The following CSTF3 variants were observed in gnomAD, a reference collection of about 807,000 sequenced individuals.
CSTF3 encodes the protein cleavage stimulation factor subunit 3.
A neutral mutation model predicts 105.8 loss-of-function variants in CSTF3; 29 were observed. That is an observed-to-expected ratio of 0.27 (90% CI 0.20 to 0.37). The LOEUF (loss-of-function observed/expected upper bound fraction) is 0.37. Among genes scored for constraint, CSTF3 ranks in the 10% least tolerant of loss-of-function variants. CSTF3 has a pLI of 1.00. For synonymous variants in CSTF3, 252 were observed against 281.9 expected, an observed-to-expected ratio of 0.89 and a Z score of 1.06; for missense variants, 357 against 879.3, an observed-to-expected ratio of 0.41 and a Z score of 7.51.
intron 1 of CSTF3, among the ~76,000 whole-genome samples, chr11:33,145,680 G>C (rs1855773228): frequency 6.6e-6 from 1 of 152,066 alleles, no homozygotes; most frequent in Non-Finnish European, 1.5e-5. Context: ...TGGGCGTGGT[G>C]GTGGGCACCT....
rs558687897 is a variant in CSTF3, at chr11:33,088,791, C to CT, written c.1642-1651dup. Among the ~76,000 whole-genome samples, 548 of 151,542 alleles carry CT rather than the reference C, an allele frequency of 3.6e-3. 4 individuals carry two copies. The highest frequency in any genetic ancestry group is 0.012 in the African/African-American group (515 of 41,342). ...CTGGCTAATTTTTGTATTTTTCTCT[C>CT]TTTTTTTGGTAGAGATGGGATTTCA... On this transcript the variant is annotated intron_variant, in intron 17 of 20. Coordinates refer to ENST00000323959, the MANE Select transcript of CSTF3 (RefSeq NM_001326.3).
chr11:33,092,204 A>G (rs1342900566), intron 16 of CSTF3, 67 bp downstream of exon 16: 2 of 1,129,284 alleles, frequency 1.8e-6, no homozygotes, highest in African/African-American at 3.2e-5. Flanking sequence ...CATTCACCCC[A>G]TAGACCACAA....
In CSTF3 at chr11:33,092,262, A is replaced by G. The variant is rs747063822; in HGVS notation, c.1445+9T>C. ...AGAACCTGATCAACAACTTTTCACA[A>G]TGGCTTACCCAGACTTCTCAGGAGG... On this transcript the variant is annotated intron_variant, in intron 16 of 20. Coordinates refer to ENST00000323959, the MANE Select transcript of CSTF3 (RefSeq NM_001326.3). 9 of 1,576,430 alleles carry G rather than the reference A, an allele frequency of 5.7e-6. No homozygotes were observed. The South Asian group carries it at 8.4e-5, about 15-fold the overall frequency.
chr11:33,096,734 G>C, intron 14 of CSTF3, 101 bp downstream of exon 14: 1 of 1,153,304 alleles, frequency 8.7e-7, no homozygotes, highest in Non-Finnish European at 1.2e-6. Flanking sequence ...TTACAAAATG[G>C]AGCAATAAAA....
rs1395490636 is a variant in CSTF3, at chr11:33,141,709, G to C, written c.183C>G (p.Phe61Leu). 1 of 1,611,940 alleles carries C rather than the reference G, an allele frequency of 6.2e-7. No homozygotes were observed. The highest frequency in any genetic ancestry group is 8.5e-7 in the Non-Finnish European group (1 of 1,179,460). Residue 61 changes from phenylalanine (F) to leucine (L), a missense_variant, in exon 3 of 21, where the codon TTC becomes TTG. Transcript: ENST00000323959. The part of the protein sequence containing the change: ...RKTYERLVAQ[F>L]PSSGRFWKLY... ...GTTTCCAGAATCTGCCAGAACTGGG[G>C]AACTGGGCAACAAGGCGTTCATAAG...
In CSTF3 at chr11:33,134,051, A is replaced by G. The variant is rs537471161; in HGVS notation, c.225+7616T>C. On this transcript the variant is annotated intron_variant, in intron 3 of 20. Transcript: ENST00000323959. ...AACACATCAAAGCATTAAAGTTCAT[A>G]ATATATTCAATGCAATCTCCTATAG... Among the ~76,000 whole-genome samples, 404 of 152,322 alleles carry G rather than the reference A, an allele frequency of 2.7e-3. 2 individuals carry two copies. Among genetic ancestry groups the G allele is most frequent in the African/African-American group, 9.0e-3 (375 of 41,570 alleles).
At chr11:33,149,824 G>T (rs999344681) in intron 1 of CSTF3, among the ~76,000 whole-genome samples, 5 of 152,170 alleles carry the variant, frequency 3.3e-5, no homozygotes, top group African/African-American at 1.2e-4. Flanking sequence ...TTCAAGACCA[G>T]CCTGGCCAAC....
chr11:33,140,258 T>C (rs1297583439), intron 3 of CSTF3, among the ~76,000 whole-genome samples: 1 of 152,080 alleles, frequency 6.6e-6, no homozygotes, highest in Non-Finnish European at 1.5e-5. Context: ...CAGACAGGCC[T>C]CACCTGTTTT....
intron 1 of CSTF3, among the ~76,000 whole-genome samples, chr11:33,160,762 G>A (rs1386183): frequency 0.56 from 84,608 of 152,092 alleles, 26,139 homozygotes; most frequent in Non-Finnish European, 0.69. Context: ...ACGAAATGTG[G>A]CTAAAAGAAA....
In CSTF3 at chr11:33,139,776, C is replaced by T. The variant is rs919592131; in HGVS notation, c.225+1891G>A. On this transcript the variant is annotated intron_variant, in intron 3 of 20. Coordinates refer to ENST00000323959, the MANE Select transcript of CSTF3 (RefSeq NM_001326.3). ...TATGTTTGTGTGTGTGAAGTAACTG[C>T]AAATATTACCAACTAAATAAATCAG... is the stretch of plus-strand genomic sequence containing the variant. 1.5e-4 allele frequency among the ~76,000 whole-genome samples: 23 copies of T among 151,848 alleles called. 1 individual carries two copies. Among genetic ancestry groups the T allele is most frequent in the African/African-American group, 5.3e-4 (22 of 41,392 alleles).
At chr11:33,128,762 C>G (rs887724271) in intron 3 of CSTF3, among the ~76,000 whole-genome samples, 1 of 152,110 alleles carries the variant, frequency 6.6e-6, no homozygotes, top group Non-Finnish European at 1.5e-5. Context: ...TAAAAAAACA[C>G]GCCATTCATC....
chr11:33,140,844 C>A (rs948956040), intron 3 of CSTF3: 1 of 151,718 alleles, frequency 6.6e-6, no homozygotes, highest in African/African-American at 2.4e-5. Flanking sequence ...CAGTTATTTA[C>A]ATCTTACCCC....
chr11:33,108,753 A>T (rs760051885), intron 3 of CSTF3, among the ~76,000 whole-genome samples: 17 of 152,212 alleles, frequency 1.1e-4, no homozygotes, highest in Non-Finnish European at 1.9e-4. Flanking sequence ...GAAAAACTTA[A>T]GGCTTTCCTT....
At chr11:33,090,234 G>A (rs1313782420) in intron 17 of CSTF3, among the ~76,000 whole-genome samples, 4 of 152,052 alleles carry the variant, frequency 2.6e-5, no homozygotes, top group African/African-American at 9.7e-5. Context: ...ATTTTCTTTT[G>A]TTTTTCTTCC....
intron 1 of CSTF3, among the ~76,000 whole-genome samples, chr11:33,155,865 A>T (rs946235318): frequency 2.6e-5 from 3 of 116,292 alleles, no homozygotes; most frequent in African/African-American, 1.3e-4. Flanking sequence ...TCGAAGATTT[A>T]AAAAAAAAAG....
chr11:33,102,424 G>A (rs967428649), intron 9 of CSTF3, 85 bp from the exon 10 acceptor site: 6 of 1,214,558 alleles, frequency 4.9e-6, no homozygotes, highest in Middle Eastern at 2.0e-4. Flanking sequence ...TTGGAAGACT[G>A]TTCAAGATGC....
chr11:33,090,910 T>C (rs920200877), intron 16 of CSTF3, among the ~76,000 whole-genome samples, 183 bp from the exon 17 acceptor site: 3 of 152,220 alleles, frequency 2.0e-5, no homozygotes, highest in African/African-American at 7.2e-5. Context: ...TACCACTACC[T>C]ATATTGCTAA....
In CSTF3 at chr11:33,085,953, G is replaced by T; in HGVS notation, c.1832C>A (p.Pro611Gln). Residue 611 changes from proline to glutamine, a missense_variant, in exon 19 of 21, where the codon CCA (proline) becomes CAA (glutamine). Pro to Gln is a moderately conservative substitution (Grantham distance 76). This residue lies in a region of CSTF3 where 206 missense variants were observed against 576.5 expected (regional missense o/e 0.36). Coordinates refer to ENST00000323959, the MANE Select transcript of CSTF3 (RefSeq NM_001326.3). ...GLHPVPGGVF[P>Q]VPPAAVVLMK... ...TAAAACAACAGCTGCAGGAGGGACTGGGAACACTCCACCAGGTACAGGGTG... is the reference window on the plus strand; with the variant it reads ...TAAAACAACAGCTGCAGGAGGGACTTGGAACACTCCACCAGGTACAGGGTG... 3.3e-6 allele frequency: 5 copies of T among 1,508,318 alleles called. No homozygotes were observed. Among genetic ancestry groups the T allele is most frequent in the Admixed American group, 2.3e-5 (1 of 44,162 alleles). 93.4% of individuals were successfully genotyped at this position (1,508,318 alleles called of 1,614,324 possible). A position where few individuals can be genotyped will look rare whatever the true frequency, so the allele number is the denominator to read the frequency against.
At chr11:33,138,838 A>C (rs999516660) in intron 3 of CSTF3, among the ~76,000 whole-genome samples, 1 of 151,838 alleles carries the variant, frequency 6.6e-6, no homozygotes, top group African/African-American at 2.4e-5. Flanking sequence ...TATAACACCA[A>C]AGTAATTTGG....
Sources: gnomAD v4.1 joint callset for allele counts (sites outside exome capture counted in the v4.1 genomes callset) on GRCh38, gnomAD v4.1.1 for gene constraint, gnomAD v4.1.1 regional missense constraint, MANE v1.5 for transcripts, NCBI Gene and HGNC (gene_info 2026-07-23, HGNC 2026-07-21) for gene names.